TF: variants seen among roughly 807,000 people sequenced by gnomAD.
The protein encoded by TF is serotransferrin.
TF carries 55 observed loss-of-function variants against 82.4 expected under a neutral mutation model. The observed-to-expected ratio is 0.67, with a 90% CI of 0.54 to 0.84. The LOEUF (loss-of-function observed/expected upper bound fraction) is 0.84. TF is among the 40% of genes least tolerant of loss of function. The pLI is 0.00. For synonymous variants in TF, 332 were observed against 332.6 expected (o/e 1.00, Z 0.02); for missense variants, 737 against 868.4 (o/e 0.85, Z 1.90).
the TF span, among the ~76,000 whole-genome samples, chr3:133,737,911 T>A: frequency 6.6e-6 from 1 of 152,178 alleles, no homozygotes; most frequent in South Asian, 2.1e-4. Context: ...CCATTCCTTC[T>A]GAAACTATTC....
At chr3:133,733,964 G>A in the TF span, among the ~76,000 whole-genome samples, 1,997 of 152,302 alleles carry the variant, frequency 0.013, 40 homozygotes, top group African/African-American at 0.044. Context: ...AGCAGGCAGT[G>A]GGAGGATCAG....
In TF at chr3:133,796,279, C is replaced by T. The variant is rs1374794242; in HGVS notation, c.*17659C>T. The T allele has an allele frequency of 6.6e-6, 1 of 152,554 alleles. No individual in the cohort carries two copies. The highest frequency in any genetic ancestry group is 1.5e-5 in the Non-Finnish European group (1 of 68,066). The allele number at this position is 152,554 out of a possible 1,614,324, so 9.5% of individuals were successfully genotyped here. On this transcript the variant is annotated 3_prime_UTR_variant, in exon 17 of 17. Coordinates refer to ENST00000402696, the MANE Select transcript of TF (RefSeq NM_001063.4). ...GATCCTCAATAGGTAGGGACTAGGC[C>T]TCAAGCCAACATGAAGCAGTTACAA...
At chr3:133,702,734 CTT>C in the TF span, among the ~76,000 whole-genome samples, 6 of 151,972 alleles carry the variant, frequency 3.9e-5, no homozygotes, top group Non-Finnish European at 8.8e-5. Flanking sequence ...AAAAAATAAA[CTT>C]ATAAATAAAG....
Position 133,777,042 on chromosome 3 carries a change from T to C in TF, c.1873-7T>C, listed in dbSNP as rs1250766554. 1 of 1,614,162 alleles carries C rather than the reference T, an allele frequency of 6.2e-7. No individual in the cohort carries two copies. Among genetic ancestry groups the C allele is most frequent in the South Asian group, 1.1e-5 (1 of 91,074 alleles). On this transcript the variant is annotated splice_polypyrimidine_tract_variant and splice_region_variant and intron_variant, in intron 15 of 16. Transcript: ENST00000402696. ...AGGTCCTCACGGACTTTCTGTTCAC[T>C]TGACAGCACCTATTTGGAAGCAACG...
At chr3:133,763,779 G>C (rs1364700089) in intron 9 of TF, among the ~76,000 whole-genome samples, 1 of 152,244 alleles carries the variant, frequency 6.6e-6, no homozygotes, top group East Asian at 1.9e-4. Flanking sequence ...TTAGAGGCTA[G>C]AGCCCCCCTT....
At chr3:133,706,794 C>T in the TF span, among the ~76,000 whole-genome samples, 1 of 152,158 alleles carries the variant, frequency 6.6e-6, no homozygotes, top group Admixed American at 6.5e-5. Flanking sequence ...ACAGCCCACC[C>T]TGCACAAAGG....
At chr3:133,735,510 GC>G in the TF span, among the ~76,000 whole-genome samples, 2 of 152,116 alleles carry the variant, frequency 1.3e-5, no homozygotes, top group Non-Finnish European at 2.9e-5. Flanking sequence ...ACCCCTCCGA[GC>G]TAAAGGAGCA....
At chr3:133,778,515 C>A in intron 16 of TF, 71 bp from the exon 17 acceptor site, 2 of 1,542,496 alleles carry the variant, frequency 1.3e-6, no homozygotes, top group South Asian at 1.1e-5. Context: ...TGAAATTGTT[C>A]AATCACTCGA....
rs2107958159 is a variant in TF at position 133,794,919 on chromosome 3, G to A, written c.*16299G>A. 6.6e-6 allele frequency: 1 copy of A among 152,302 alleles called. No homozygotes were observed. The highest frequency in any genetic ancestry group is 1.9e-4 in the East Asian group (1 of 5,190). The allele number at this position is 152,302 out of a possible 1,614,324, so 9.4% of individuals were successfully genotyped here. On this transcript the variant is annotated 3_prime_UTR_variant, in exon 17 of 17. Transcript: ENST00000402696. ...ACAATTATGGGTTATACTTTTATTT[G>A]TGAAGAATTTTGCAGCCAGCTTTAG...
rs1934124521 is a variant in TF, at chr3:133,766,292, G to C, written c.1345G>C (p.Ala449Pro). ...DTPEAGYFAI[A>P]VVKKSASDLT... Reference sequence around the variant, plus strand: ...CTTTCTTGTAGGGTATTTTGCTATAGCAGTGGTGAAGAAATCAGCTTCTGA... The same window carrying C: ...CTTTCTTGTAGGGTATTTTGCTATACCAGTGGTGAAGAAATCAGCTTCTGA... The change falls in exon 12 of 17, where the codon GCA becomes CCA. Residue 449 changes from alanine (A) to proline (P), a missense_variant. Transcript: ENST00000402696. 6.2e-7 allele frequency: 1 copy of C among 1,614,146 alleles called. No homozygotes were observed. Among genetic ancestry groups the C allele is most frequent in the East Asian group, 2.2e-5 (1 of 44,882 alleles).
At position 133,775,566 on chromosome 3, in the gene TF, C is replaced by A. The variant is rs769561613; in HGVS notation, c.1821C>A (p.Val607=). The A allele has an allele frequency of 4.3e-6, 7 of 1,614,186 alleles. No homozygotes were observed. The South Asian group carries it at 7.7e-5, about 18-fold the overall frequency. ...CCAGAGCCCCGAATCACGCTGTGGT[C>A]ACACGGAAAGATAAGGAAGCTTGCG... is the stretch of plus-strand genomic sequence containing the variant. ...HLARAPNHAV[V]TRKDKEACVH... The change falls in exon 15 of 17, where the codon GTC becomes GTA. Residue 607 remains valine, a synonymous_variant. Coordinates refer to ENST00000402696, the MANE Select transcript of TF (RefSeq NM_001063.4).
the TF span, among the ~76,000 whole-genome samples, chr3:133,706,451 A>G: frequency 8.5e-5 from 13 of 152,124 alleles, no homozygotes; most frequent in Non-Finnish European, 1.8e-4. Context: ...TGGAAAATGG[A>G]TAGAACAGTG....
the TF span, among the ~76,000 whole-genome samples, chr3:133,681,480 G>A: frequency 1.6e-4 from 25 of 152,236 alleles, no homozygotes; most frequent in Non-Finnish European, 2.8e-4. Context: ...ACGGCACCTG[G>A]AAAATCGGGT....
At position 133,775,518 on chromosome 3, in the gene TF, G is replaced by T; in HGVS notation, c.1773G>T (p.Glu591Asp). 6.2e-7 allele frequency: 1 copy of T among 1,614,204 alleles called. No individual in the cohort carries two copies. The highest frequency in any genetic ancestry group is 8.5e-7 in the Non-Finnish European group (1 of 1,180,028). ...LCLDGTRKPV[E>D]EYANCHLARA... ...TTGATGGTACCAGGAAACCTGTGGA[G>T]GAGTATGCGAACTGCCACCTGGCCA... Residue 591 changes from glutamate (E) to aspartate (D), a missense_variant, in exon 15 of 17, where the codon GAG becomes GAT. Transcript: ENST00000402696.
rs1322118791 is a variant in TF, at chr3:133,786,625, A to G, written c.*8005A>G. ...TTGCTAGTGTATGACAAAAGTAGTTAGTAAACTAATATATTTTGTACATTT... is the reference window on the plus strand; with the variant it reads ...TTGCTAGTGTATGACAAAAGTAGTTGGTAAACTAATATATTTTGTACATTT... On this transcript the variant is annotated 3_prime_UTR_variant, in exon 17 of 17. Transcript: ENST00000402696. The G allele has an allele frequency of 6.6e-6, 1 of 152,252 alleles. No homozygotes were observed. Among genetic ancestry groups the G allele is most frequent in the African/African-American group, 2.4e-5 (1 of 41,468 alleles). 9.4% of individuals were successfully genotyped at this position (152,252 alleles called of 1,614,324 possible).
chr3:133,738,819 C>G, the TF span, among the ~76,000 whole-genome samples: 1 of 152,134 alleles, frequency 6.6e-6, no homozygotes, highest in Non-Finnish European at 1.5e-5. Context: ...ACAGAGGACA[C>G]AAACAAATGG....
At chr3:133,691,575 G>C in the TF span, 1 of 152,728 alleles carries the variant, frequency 6.5e-6, no homozygotes, top group Non-Finnish European at 1.5e-5. Flanking sequence ...CCTCACTGAG[G>C]AGATGACATT....
Position 133,781,963 on chromosome 3 carries a change from AC to A in TF, c.*3344del, listed in dbSNP as rs1204590582. The A allele has an allele frequency of 6.6e-6, 1 of 152,232 alleles. No individual in the cohort carries two copies. The highest frequency in any genetic ancestry group is 1.5e-5 in the Non-Finnish European group (1 of 68,036). 9.4% of individuals were successfully genotyped at this position (152,232 alleles called of 1,614,324 possible). On this transcript the variant is annotated 3_prime_UTR_variant, in exon 17 of 17. Coordinates refer to ENST00000402696, the MANE Select transcript of TF (RefSeq NM_001063.4). ...ACTCATACAACTCAATAGCAGGAAA[AC>A]AAATGATCCCAGTTAAAAATGGGCA...
chr3:133,763,317 G>C (rs909556629), intron 9 of TF, among the ~76,000 whole-genome samples: 1 of 152,060 alleles, frequency 6.6e-6, no homozygotes, highest in African/African-American at 2.4e-5. Context: ...TCATTATTGA[G>C]GATAATATTT....
Sources: gnomAD v4.1 joint callset for allele counts (sites outside exome capture counted in the v4.1 genomes callset) on GRCh38, gnomAD v4.1.1 for gene constraint, MANE v1.5 for transcripts, NCBI Gene and HGNC (gene_info 2026-07-23, HGNC 2026-07-21) for gene names.